The following CRK variants were observed in gnomAD, a reference collection of about 807,000 sequenced individuals.
The protein encoded by CRK is CRK proto-oncogene, adaptor protein.
In CRK, 4 loss-of-function variants were observed where a neutral mutation model predicts 29.8. The observed-to-expected ratio is 0.13, with a 90% CI of 0.07 to 0.31. The LOEUF (loss-of-function observed/expected upper bound fraction) is 0.31. CRK is among the 10% of genes least tolerant of loss of function. The pLI is 1.00. For missense variants in CRK, 274 were observed against 396.5 expected, an observed-to-expected ratio of 0.69 and a Z score of 2.62; for synonymous variants, 153 against 164.9, an observed-to-expected ratio of 0.93 and a Z score of 0.55.
In CRK at chr17:1,421,486, G is replaced by A. The variant is rs976434801; in HGVS notation, c.*2027C>T. The A allele has an allele frequency of 2.0e-5, 3 of 152,190 alleles. No homozygotes were observed. In the East Asian group the frequency reaches 5.8e-4, roughly 29 times the overall value. 9.4% of individuals were successfully genotyped at this position (152,190 alleles called of 1,614,324 possible). A position where few individuals can be genotyped will look rare whatever the true frequency, so the allele number is the denominator to read the frequency against. ...AAATGTGTTCATTCAACACTAATGAGCACCCACTCTGTGCATAGCACTGGG... is the reference window on the plus strand; with the variant it reads ...AAATGTGTTCATTCAACACTAATGAACACCCACTCTGTGCATAGCACTGGG... On this transcript the variant is annotated 3_prime_UTR_variant, in exon 3 of 3. Coordinates refer to ENST00000300574, the MANE Select transcript of CRK (RefSeq NM_016823.4).
At chr17:1,453,831 C>T (rs925584819) in intron 1 of CRK, among the ~76,000 whole-genome samples, 1 of 152,006 alleles carries the variant, frequency 6.6e-6, no homozygotes, top group African/African-American at 2.4e-5. Flanking sequence ...CCTTTGAACC[C>T]GGGGAGGTAG....
intron 2 of CRK, among the ~76,000 whole-genome samples, chr17:1,433,946 C>T (rs2073867555): frequency 6.6e-6 from 1 of 151,606 alleles, no homozygotes; most frequent in South Asian, 2.1e-4. Context: ...GCGATCCTCC[C>T]ACCTCAGCCT....
chr17:1,424,117 A>G (rs2150897450), intron 2 of CRK, among the ~76,000 whole-genome samples: 1 of 126,690 alleles, frequency 7.9e-6, no homozygotes, highest in South Asian at 2.6e-4. Context: ...CCCAGGCTGG[A>G]TGACAGTGGC....
At chr17:1,424,415 C>T (rs1010367025) in intron 2 of CRK, 7 of 152,630 alleles carry the variant, frequency 4.6e-5, no homozygotes, top group Middle Eastern at 3.4e-3. Context: ...CCAGCCCACT[C>T]GCACAAGACC....
intron 1 of CRK, among the ~76,000 whole-genome samples, chr17:1,450,610 C>T (rs929854815): frequency 8.5e-5 from 13 of 152,204 alleles, no homozygotes; most frequent in African/African-American, 2.7e-4. Context: ...AGGCTAGATG[C>T]GATGGCTCAC....
chr17:1,432,321 T>C (rs149103152), intron 2 of CRK, among the ~76,000 whole-genome samples: 1 of 151,266 alleles, frequency 6.6e-6, no homozygotes, highest in African/African-American at 2.4e-5. Flanking sequence ...AAATCCCATC[T>C]CTACTAAAAA....
chr17:1,452,384 A>C (rs1451943624), intron 1 of CRK, among the ~76,000 whole-genome samples: 2 of 152,204 alleles, frequency 1.3e-5, no homozygotes, highest in East Asian at 3.8e-4. Flanking sequence ...ACGCCTCTCT[A>C]AAAAATTCAA....
At chr17:1,441,216 C>A (rs1170119106) in intron 1 of CRK, among the ~76,000 whole-genome samples, 1 of 152,208 alleles carries the variant, frequency 6.6e-6, no homozygotes, top group Admixed American at 6.5e-5. Flanking sequence ...GCGTGAGCCA[C>A]CACGCCTGGC....
At chr17:1,453,441 T>A (rs767861487) in intron 1 of CRK, among the ~76,000 whole-genome samples, 4 of 152,144 alleles carry the variant, frequency 2.6e-5, no homozygotes, top group Non-Finnish European at 5.9e-5. Context: ...TGTGACGACA[T>A]ATAATGCAAA....
chr17:1,452,551 G>A (rs2074025756), intron 1 of CRK, among the ~76,000 whole-genome samples: 2 of 152,128 alleles, frequency 1.3e-5, no homozygotes, highest in African/African-American at 4.8e-5. Flanking sequence ...ACTTTGGGAG[G>A]CCGAGGTGGG....
intron 1 of CRK, 48 bp downstream of exon 1, chr17:1,455,828 TC>T (rs1472711789): frequency 6.9e-7 from 1 of 1,446,578 alleles, no homozygotes; most frequent in Non-Finnish European, 9.1e-7. Flanking sequence ...GGCTGGGAGT[TC>T]CGCGGCCCTC....
At chr17:1,440,298 CAAA>C (rs34474050) in intron 1 of CRK, among the ~76,000 whole-genome samples, 3 of 107,100 alleles carry the variant, frequency 2.8e-5, no homozygotes, top group Non-Finnish European at 4.0e-5. Context: ...GACTCTGTCT[CAAA>C]AAAAAAAAAA....
intron 1 of CRK, among the ~76,000 whole-genome samples, chr17:1,449,056 A>G (rs1361127180): frequency 1.3e-5 from 2 of 152,120 alleles, no homozygotes; most frequent in African/African-American, 2.4e-5. Context: ...GGCTTGGCCC[A>G]GCTGCCAGCC....
In CRK at chr17:1,431,045, C is replaced by G. The variant is rs188077803; in HGVS notation, c.777+5575G>C. On this transcript the variant is annotated intron_variant, in intron 2 of 2. Transcript: ENST00000300574. ...ATCACGCACTGCACTCCAGCCTGGG[C>G]GACAGAGTGAGACTCCGTCTCAAAA... 4.9e-3 allele frequency among the ~76,000 whole-genome samples: 734 copies of G among 151,274 alleles called. 7 individuals are homozygous for G. Among genetic ancestry groups the G allele is most frequent in the African/African-American group, 0.017 (684 of 41,124 alleles).
Position 1,422,270 on chromosome 17 carries a change from T to C in CRK, c.*1243A>G, listed in dbSNP as rs1458016574. On this transcript the variant is annotated 3_prime_UTR_variant, in exon 3 of 3. Transcript: ENST00000300574. ...CCTCCACCTCCCAGGTTGAAGCAAT[T>C]CTCCTGCCTCAGCCTCCCGAGTAGC... 6.6e-6 allele frequency: 1 copy of C among 151,604 alleles called. No homozygotes were observed. The allele number at this position is 151,604 out of a possible 1,614,324, so 9.4% of individuals were successfully genotyped here. A position where few individuals can be genotyped will look rare whatever the true frequency, so the allele number is the denominator to read the frequency against.
chr17:1,440,378 G>A (rs931953587), intron 1 of CRK, among the ~76,000 whole-genome samples: 18 of 151,832 alleles, frequency 1.2e-4, no homozygotes, highest in Non-Finnish European at 1.9e-4. Context: ...GTGAGAGATC[G>A]CTTGAGCCTA....
At chr17:1,426,771 T>C (rs544425584) in intron 2 of CRK, among the ~76,000 whole-genome samples, 1 of 152,014 alleles carries the variant, frequency 6.6e-6, no homozygotes, top group South Asian at 2.1e-4. Flanking sequence ...GCTGAGGCAG[T>C]GAACTGCTTG....
intron 1 of CRK, among the ~76,000 whole-genome samples, chr17:1,448,976 C>G (rs922903185): frequency 2.6e-5 from 4 of 152,134 alleles, no homozygotes; most frequent in African/African-American, 9.7e-5. Flanking sequence ...CTGTAGTGAG[C>G]TATGACGGAG....
chr17:1,444,927 T>C (rs915865562), intron 1 of CRK, among the ~76,000 whole-genome samples: 5 of 151,498 alleles, frequency 3.3e-5, no homozygotes, highest in African/African-American at 1.2e-4. Context: ...GGCAGGCGGA[T>C]CACGAGGTCA....
Sources: allele counts gnomAD v4.1 joint callset (sites outside exome capture counted in the v4.1 genomes callset), GRCh38; gene constraint gnomAD v4.1.1; transcripts MANE v1.5; gene names NCBI Gene and HGNC (gene_info 2026-07-23, HGNC 2026-07-21).